The following RALGPS2 variants were observed in gnomAD, a reference collection of about 807,000 sequenced individuals.
RALGPS2 encodes ras-specific guanine nucleotide-releasing factor RalGPS2.
RALGPS2 carries 43 observed loss-of-function variants against 86.8 expected under a neutral mutation model. The observed-to-expected ratio is 0.50, with a 90% CI of 0.39 to 0.64. The LOEUF (loss-of-function observed/expected upper bound fraction) is 0.64, where lower values mean the gene tolerates loss of function less well. Among genes scored for constraint, RALGPS2 ranks in the 30% least tolerant of loss-of-function variants. The pLI is 0.00. For missense variants in RALGPS2, 536 were observed against 694.6 expected, an observed-to-expected ratio of 0.77 and a Z score of 2.57; for synonymous variants, 243 against 231.3, an observed-to-expected ratio of 1.05 and a Z score of -0.46.
At chr1:178,748,607 C>G (rs567285498) in intron 1 of RALGPS2, among the ~76,000 whole-genome samples, 2 of 150,882 alleles carry the variant, frequency 1.3e-5, no homozygotes, top group African/African-American at 4.9e-5. Context: ...AATCCCAGCA[C>G]TTTGGGAGGC....
At chr1:178,874,099 G>A (rs899573475) in intron 8 of RALGPS2, among the ~76,000 whole-genome samples, 1 of 152,008 alleles carries the variant, frequency 6.6e-6, no homozygotes, top group African/African-American at 2.4e-5. Flanking sequence ...GGCAAAAGTA[G>A]GAATACAGAC....
intron 1 of RALGPS2, among the ~76,000 whole-genome samples, chr1:178,766,738 T>C (rs111474310): frequency 6.6e-6 from 1 of 152,176 alleles, no homozygotes; most frequent in Non-Finnish European, 1.5e-5. Context: ...GTTGGTCTTC[T>C]TGTGTAGTAT....
chr1:178,779,314 G>A lies in RALGPS2; in HGVS notation c.57+2493G>A, dbSNP rs958489511. ...GTGTATAAATCTAGGGAACTTGCCT[G>A]CTTTCCTTAATAACTTTAGCATCTG... On this transcript the variant is annotated intron_variant, in intron 2 of 19. Coordinates refer to ENST00000367635, the MANE Select transcript of RALGPS2 (RefSeq NM_152663.5). Among the ~76,000 whole-genome samples the A allele has an allele frequency of 2.0e-5, 3 of 152,044 alleles. No individual in the cohort carries two copies. The East Asian group carries it at 5.8e-4, about 29-fold the overall frequency.
intron 7 of RALGPS2, among the ~76,000 whole-genome samples, chr1:178,825,530 A>G (rs1252570101): frequency 2.0e-5 from 3 of 152,160 alleles, no homozygotes; most frequent in South Asian, 2.1e-4. Flanking sequence ...TGAAATGGCA[A>G]TCACCAAGAT....
intron 8 of RALGPS2, 97 bp from the exon 9 acceptor site, chr1:178,877,401 T>A (rs1659049761): frequency 2.0e-6 from 3 of 1,516,054 alleles, no homozygotes; most frequent in Admixed American, 4.1e-5. Flanking sequence ...TAGCGTACAG[T>A]GGAATATATC....
chr1:178,844,748 T>C (rs577428779), intron 8 of RALGPS2, among the ~76,000 whole-genome samples: 2 of 152,334 alleles, frequency 1.3e-5, no homozygotes, highest in East Asian at 3.9e-4. Context: ...GTAAGTTTTA[T>C]TTTGCTGACG....
chr1:178,860,930 A>G (rs1657960304), intron 8 of RALGPS2, among the ~76,000 whole-genome samples: 1 of 152,214 alleles, frequency 6.6e-6, no homozygotes, highest in Admixed American at 6.5e-5. Flanking sequence ...AAATAACATA[A>G]GTGAATAATT....
At chr1:178,913,824 G>T (rs1037554259) in intron 19 of RALGPS2, among the ~76,000 whole-genome samples, 3 of 151,788 alleles carry the variant, frequency 2.0e-5, no homozygotes, top group Non-Finnish European at 2.9e-5. Context: ...TTTTTCCTCT[G>T]GCCTCTTGAG....
chr1:178,878,232 T>A (rs987952564), intron 9 of RALGPS2, among the ~76,000 whole-genome samples: 2 of 152,038 alleles, frequency 1.3e-5, no homozygotes, highest in Non-Finnish European at 2.9e-5. Context: ...GCATTTTTTT[T>A]AATGTTTAAA....
chr1:178,869,061 A>G lies in RALGPS2; in HGVS notation c.608-8437A>G, dbSNP rs549321549. On this transcript the variant is annotated intron_variant, in intron 8 of 19. Transcript: ENST00000367635. ...CCTCATAAAACTTTCTGTATATGTTAAAATTTTCCTAGGCCCCAAGAGAAT... is the reference window on the plus strand; with the variant it reads ...CCTCATAAAACTTTCTGTATATGTTGAAATTTTCCTAGGCCCCAAGAGAAT... 7 of 152,222 alleles carry G rather than the reference A, an allele frequency of 4.6e-5. No individual in the cohort carries two copies. In the South Asian group the frequency reaches 1.2e-3, roughly 27 times the overall value. The allele number at this position is 152,222 out of a possible 1,614,324, so 9.4% of individuals were successfully genotyped here. A position where few individuals can be genotyped will look rare whatever the true frequency, so the allele number is the denominator to read the frequency against.
intron 4 of RALGPS2, among the ~76,000 whole-genome samples, chr1:178,794,217 A>G (rs1485398601): frequency 6.6e-6 from 1 of 152,074 alleles, no homozygotes; most frequent in African/African-American, 2.4e-5. Flanking sequence ...CCTGGGTTCA[A>G]GTGATTCTCA....
chr1:178,822,830 T>A lies in RALGPS2; in HGVS notation c.480+1126T>A, dbSNP rs541477471. On this transcript the variant is annotated intron_variant, in intron 7 of 19. Transcript: ENST00000367635. Reference sequence around the variant, plus strand: ...AGTTTTAGGGAAAAGAATTATACGCTGTGAAAAAAAAATTCTATTTTTATT... The same window carrying A: ...AGTTTTAGGGAAAAGAATTATACGCAGTGAAAAAAAAATTCTATTTTTATT... 2.6e-5 allele frequency among the ~76,000 whole-genome samples: 4 copies of A among 152,176 alleles called. No individual in the cohort carries two copies. The South Asian group carries it at 8.3e-4, about 32-fold the overall frequency.
At chr1:178,874,932 C>CA (rs1658935294) in intron 8 of RALGPS2, among the ~76,000 whole-genome samples, 2 of 152,104 alleles carry the variant, frequency 1.3e-5, no homozygotes, top group Admixed American at 1.3e-4. Context: ...TTTGTGAAAT[C>CA]ACGATTCTCA....
intron 4 of RALGPS2, among the ~76,000 whole-genome samples, chr1:178,805,740 A>G (rs1654711202): frequency 6.6e-6 from 1 of 152,130 alleles, no homozygotes; most frequent in Non-Finnish European, 1.5e-5. Flanking sequence ...CCCCCCATTT[A>G]TATAATTCAT....
chr1:178,888,113 A>G (rs560858938), intron 13 of RALGPS2, among the ~76,000 whole-genome samples: 2 of 152,050 alleles, frequency 1.3e-5, no homozygotes, highest in Admixed American at 6.5e-5. Context: ...CAGTGTGGAG[A>G]CTTTTCTCTT....
chr1:178,848,506 G>A (rs919187669), intron 8 of RALGPS2, among the ~76,000 whole-genome samples: 8 of 152,094 alleles, frequency 5.3e-5, no homozygotes, highest in Non-Finnish European at 1.2e-4. Context: ...TCTTTAGGCT[G>A]AAATTCATAC....
At chr1:178,748,684 C>A (rs901697677) in intron 1 of RALGPS2, among the ~76,000 whole-genome samples, 1 of 151,944 alleles carries the variant, frequency 6.6e-6, no homozygotes, top group African/African-American at 2.4e-5. Context: ...GAAACCCCAT[C>A]TCTACTAAAA....
At chr1:178,915,190 G>A (rs974576037) in intron 19 of RALGPS2, among the ~76,000 whole-genome samples, 1 of 152,040 alleles carries the variant, frequency 6.6e-6, no homozygotes, top group Non-Finnish European at 1.5e-5. Context: ...CCACATTCAG[G>A]CAACTTAAAA....
chr1:178,850,530 A>G (rs946521906), intron 8 of RALGPS2: 1 of 152,064 alleles, frequency 6.6e-6, no homozygotes, highest in Non-Finnish European at 1.5e-5. Context: ...TAAAAATGAT[A>G]TGTATTTAAT....
Sources: gnomAD v4.1 joint callset for allele counts (sites outside exome capture counted in the v4.1 genomes callset) on GRCh38, gnomAD v4.1.1 for gene constraint, MANE v1.5 for transcripts, NCBI Gene and HGNC (gene_info 2026-07-23, HGNC 2026-07-21) for gene names.